Variants in FER observed in about 807,000 individuals in gnomAD.
FER encodes the protein tyrosine-protein kinase Fer.
FER carries 63 observed loss-of-function variants against 111.0 expected under a neutral mutation model. The ratio of observed to expected loss-of-function variants is 0.57; its 90% confidence interval spans 0.46 to 0.70. The LOEUF (loss-of-function observed/expected upper bound fraction) is 0.70. Among genes scored for constraint, FER ranks in the 30% least tolerant of loss-of-function variants. FER has a pLI of 0.00. For synonymous variants in FER, 327 were observed against 313.9 expected, an observed-to-expected ratio of 1.04 and a Z score of -0.44; for missense variants, 914 against 954.0, an observed-to-expected ratio of 0.96 and a Z score of 0.55.
At chr5:108,844,983 GGTGT>G (rs147584034) in intron 5 of FER, among the ~76,000 whole-genome samples, 4,634 of 54,312 alleles carry the variant, frequency 0.085, 288 homozygotes, top group African/African-American at 0.13. Context: ...GTTCATTGCT[GGTGT>G]GTGTGTGTGT....
intron 17 of FER, among the ~76,000 whole-genome samples, chr5:109,153,209 TAA>T (rs145045504): frequency 6.2e-5 from 9 of 145,982 alleles, no homozygotes; most frequent in African/African-American, 5.0e-5. Flanking sequence ...GATTTTATGG[TAA>T]AAAAAAAAAA....
In FER at chr5:108,907,558, G is replaced by C. The variant is rs181319077; in HGVS notation, c.1236+9710G>C. ...TCCACCCGCCTCGGCCTCCCAAAGTGCTGGGATTATAGGAGTGAGCCCCTG... is the reference window on the plus strand; with the variant it reads ...TCCACCCGCCTCGGCCTCCCAAAGTCCTGGGATTATAGGAGTGAGCCCCTG... On this transcript the variant is annotated intron_variant, in intron 10 of 19. Transcript: ENST00000281092. Among the ~76,000 whole-genome samples the C allele has an allele frequency of 7.3e-3, 1,109 of 152,002 alleles. 4 individuals are homozygous for C. Among genetic ancestry groups the C allele is most frequent in the Middle Eastern group, 0.014 (4 of 294 alleles).
At chr5:108,772,020 A>G (rs1433884441) in intron 2 of FER, among the ~76,000 whole-genome samples, 1 of 152,144 alleles carries the variant, frequency 6.6e-6, no homozygotes, top group African/African-American at 2.4e-5. Flanking sequence ...CAGCAGGTTT[A>G]GTGTCTGGAG....
chr5:108,954,681 A>G, intron 11 of FER, 48 bp from the exon 12 acceptor site: 1 of 1,291,848 alleles, frequency 7.7e-7, no homozygotes, highest in Non-Finnish European at 1.0e-6. Flanking sequence ...TTAGAAAATA[A>G]TCAGTATTTT....
intron 16 of FER, among the ~76,000 whole-genome samples, chr5:109,088,483 T>A (rs1324634795): frequency 6.6e-6 from 1 of 152,062 alleles, no homozygotes; most frequent in Admixed American, 6.6e-5. Flanking sequence ...CTAAGTAGCA[T>A]CAGAAAATTT....
intron 2 of FER, among the ~76,000 whole-genome samples, chr5:108,796,254 T>C (rs1190145971): frequency 6.6e-6 from 1 of 152,192 alleles, no homozygotes; most frequent in Non-Finnish European, 1.5e-5. Context: ...TTGAGTCACC[T>C]GGAGCAGGGG....
At chr5:108,782,791 G>A (rs1026276994) in intron 2 of FER, 2 of 152,058 alleles carry the variant, frequency 1.3e-5, no homozygotes, top group African/African-American at 2.4e-5. Flanking sequence ...GTTAAATTTT[G>A]TAACAGTTGC....
At chr5:109,055,347 A>G (rs951912979) in intron 16 of FER, among the ~76,000 whole-genome samples, 3 of 152,224 alleles carry the variant, frequency 2.0e-5, no homozygotes, top group Non-Finnish European at 4.4e-5. Context: ...TCTGCACAGC[A>G]AAGGAAACAA....
At chr5:108,877,244 T>C (rs962505515) in intron 8 of FER, among the ~76,000 whole-genome samples, 2 of 152,334 alleles carry the variant, frequency 1.3e-5, no homozygotes, top group African/African-American at 2.4e-5. Context: ...GTTGAACATA[T>C]ACAGTATTAT....
intron 3 of FER, among the ~76,000 whole-genome samples, chr5:108,822,336 G>A (rs1302375144): frequency 2.6e-5 from 4 of 152,116 alleles, no homozygotes; most frequent in Admixed American, 2.0e-4. Context: ...AGTTCTGTTG[G>A]TATAATAGAA....
At chr5:109,168,253 T>G (rs1756755369) in intron 17 of FER, among the ~76,000 whole-genome samples, 2 of 152,188 alleles carry the variant, frequency 1.3e-5, no homozygotes. Flanking sequence ...GTGAAATATA[T>G]ATTGGTCTTT....
At chr5:108,934,875 A>T (rs1755235953) in intron 10 of FER, among the ~76,000 whole-genome samples, 1 of 152,152 alleles carries the variant, frequency 6.6e-6, no homozygotes, top group Non-Finnish European at 1.5e-5. Flanking sequence ...ATAATGTTCT[A>T]AAAACTGGAT....
chr5:109,147,412 C>T (rs1160552484), intron 17 of FER, among the ~76,000 whole-genome samples: 2 of 151,836 alleles, frequency 1.3e-5, no homozygotes, highest in Non-Finnish European at 2.9e-5. Context: ...TTTACTTTAT[C>T]CCAGCTGTTT....
intron 17 of FER, among the ~76,000 whole-genome samples, chr5:109,106,442 A>C (rs527278900): frequency 6.6e-6 from 1 of 152,282 alleles, no homozygotes; most frequent in African/African-American, 2.4e-5. Flanking sequence ...GAGATGTGAT[A>C]ATCTCAGTTA....
intron 17 of FER, among the ~76,000 whole-genome samples, chr5:109,174,804 T>C (rs1425250575): frequency 1.3e-5 from 2 of 152,232 alleles, no homozygotes; most frequent in Non-Finnish European, 2.9e-5. Flanking sequence ...AAGGTGTGTG[T>C]CATTTGATTA....
chr5:109,114,626 T>C (rs1259891326), intron 17 of FER, among the ~76,000 whole-genome samples: 1 of 152,046 alleles, frequency 6.6e-6, no homozygotes, highest in Non-Finnish European at 1.5e-5. Context: ...ACTCTCCCAT[T>C]CTGAAAGAAG....
At chr5:109,014,266 G>A (rs1408393781) in intron 13 of FER, among the ~76,000 whole-genome samples, 3 of 152,112 alleles carry the variant, frequency 2.0e-5, no homozygotes, top group Admixed American at 6.5e-5. Flanking sequence ...TGTATGAGGT[G>A]TCAGGAAGGG....
intron 5 of FER, among the ~76,000 whole-genome samples, chr5:108,849,454 T>TTTGTTGTTG (rs77866064): frequency 0.12 from 16,961 of 146,618 alleles, 981 homozygotes; most frequent in African/African-American, 0.15. Flanking sequence ...TGGTGGTGGT[T>TTTGTTGTTG]TTGTTGTTGT....
At chr5:108,814,482 A>G (rs1310453879) in intron 3 of FER, among the ~76,000 whole-genome samples, 1 of 152,174 alleles carries the variant, frequency 6.6e-6, no homozygotes, top group Non-Finnish European at 1.5e-5. Flanking sequence ...ATAAAAAAAG[A>G]TCATTGGGAG....
Sources: gnomAD v4.1 joint callset for allele counts (sites outside exome capture counted in the v4.1 genomes callset) on GRCh38, gnomAD v4.1.1 for gene constraint, MANE v1.5 for transcripts, NCBI Gene and HGNC (gene_info 2026-07-23, HGNC 2026-07-21) for gene names.